Variants in EPB41L5 observed in about 807,000 individuals in gnomAD.
The protein encoded by EPB41L5 is band 4.1-like protein 5.
In EPB41L5, 55 loss-of-function variants were observed where a neutral mutation model predicts 106.6. The observed-to-expected ratio is 0.52, with a 90% CI of 0.42 to 0.65. The LOEUF (loss-of-function observed/expected upper bound fraction) is 0.65. EPB41L5 is among the 30% of genes least tolerant of loss of function. EPB41L5 has a pLI of 0.00. For missense variants in EPB41L5, 871 were observed against 882.1 expected (o/e 0.99, Z 0.16); for synonymous variants, 297 against 306.7 (o/e 0.97, Z 0.33).
At chr2:120,112,253 A>C (rs910346320) in intron 16 of EPB41L5, among the ~76,000 whole-genome samples, 2 of 152,224 alleles carry the variant, frequency 1.3e-5, no homozygotes, top group African/African-American at 2.4e-5. Context: ...TTTTTGACTT[A>C]CGATGGGTTT....
intron 2 of EPB41L5, among the ~76,000 whole-genome samples, chr2:120,033,202 T>G (rs1259495951): frequency 6.6e-5 from 10 of 152,214 alleles, no homozygotes; most frequent in Non-Finnish European, 1.5e-5. Context: ...ATTTTATTTC[T>G]GGGTTAGAAT....
intron 16 of EPB41L5, among the ~76,000 whole-genome samples, chr2:120,102,658 A>G (rs747980169): frequency 3.3e-5 from 5 of 152,180 alleles, no homozygotes; most frequent in African/African-American, 7.2e-5. Context: ...GGACCATTCT[A>G]TTGCTTGCAG....
chr2:120,035,264 T>G (rs547466944), intron 2 of EPB41L5, among the ~76,000 whole-genome samples: 1 of 152,310 alleles, frequency 6.6e-6, no homozygotes, highest in Admixed American at 6.5e-5. Context: ...AAAAAATTTT[T>G]TTTAAAAATT....
chr2:120,118,398 C>T (rs1296027923), intron 16 of EPB41L5, among the ~76,000 whole-genome samples: 1 of 151,982 alleles, frequency 6.6e-6, no homozygotes, highest in Non-Finnish European at 1.5e-5. Context: ...GCAGAACGTG[C>T]AGGTTTGTTT....
chr2:120,036,555 G>T (rs1357343496), intron 2 of EPB41L5, among the ~76,000 whole-genome samples: 4 of 152,166 alleles, frequency 2.6e-5, no homozygotes, highest in Non-Finnish European at 5.9e-5. Flanking sequence ...AACAAACTGT[G>T]TGTATGTGTG....
intron 2 of EPB41L5, among the ~76,000 whole-genome samples, chr2:120,038,796 C>T (rs1228562416): frequency 6.6e-6 from 1 of 152,090 alleles, no homozygotes; most frequent in African/African-American, 2.4e-5. Flanking sequence ...ACAGAATTAG[C>T]ATATGACCCA....
intron 3 of EPB41L5, among the ~76,000 whole-genome samples, chr2:120,054,160 T>G (rs1680474022): frequency 6.6e-6 from 1 of 152,216 alleles, no homozygotes; most frequent in African/African-American, 2.4e-5. Context: ...TGACTAATGA[T>G]GTTGAGCATC....
In EPB41L5 at chr2:120,088,665, C is replaced by G. The variant is rs143434669; in HGVS notation, c.873+1425C>G. ...TATATTTAGCTTTTGTAGGTACTGC[C>G]AAACCTCTTTCCAAAGTATTTAATA... On this transcript the variant is annotated intron_variant, in intron 11 of 24. Coordinates refer to ENST00000263713, the MANE Select transcript of EPB41L5 (RefSeq NM_020909.4). 7.2e-5 allele frequency among the ~76,000 whole-genome samples: 11 copies of G among 152,298 alleles called. 1 individual carries two copies. The East Asian group carries it at 2.1e-3, about 29-fold the overall frequency.
chr2:120,119,107 T>A (rs1292706571), intron 16 of EPB41L5, among the ~76,000 whole-genome samples: 2 of 152,194 alleles, frequency 1.3e-5, no homozygotes, highest in African/African-American at 2.4e-5. Context: ...ATTTTTTTTT[T>A]ATGTTTGTTG....
chr2:120,047,411 C>A (rs1679866773), intron 3 of EPB41L5, among the ~76,000 whole-genome samples: 1 of 151,772 alleles, frequency 6.6e-6, no homozygotes, highest in Non-Finnish European at 1.5e-5. Flanking sequence ...GTATTTTATT[C>A]TCTTTGAAGC....
chr2:120,035,283 A>C (rs769058692), intron 2 of EPB41L5, among the ~76,000 whole-genome samples: 1 of 152,114 alleles, frequency 6.6e-6, no homozygotes, highest in African/African-American at 2.4e-5. Context: ...TTTTTTGTAG[A>C]GATAGGGTCT....
At chr2:120,131,534 GACAAA>G in intron 17 of EPB41L5, 79 bp from the exon 18 acceptor site, 1 of 852,206 alleles carries the variant, frequency 1.2e-6, no homozygotes, top group Non-Finnish European at 1.9e-6. Flanking sequence ...ATGTTGAGAA[GACAAA>G]ACAAAACCAT....
intron 4 of EPB41L5, among the ~76,000 whole-genome samples, chr2:120,073,820 G>A (rs907832888): frequency 6.6e-6 from 1 of 152,120 alleles, no homozygotes; most frequent in African/African-American, 2.4e-5. Flanking sequence ...GGTTTTCAGG[G>A]CTGTTAGGTT....
chr2:120,152,310 G>T (rs971215020), intron 20 of EPB41L5, among the ~76,000 whole-genome samples: 6 of 152,096 alleles, frequency 3.9e-5, no homozygotes, highest in Non-Finnish European at 1.5e-5. Context: ...TGTTAATATG[G>T]TGTGGTTTTC....
chr2:120,101,729 T>C (rs1558876102), intron 16 of EPB41L5: 1 of 152,264 alleles, frequency 6.6e-6, no homozygotes, highest in African/African-American at 2.4e-5. Context: ...TGTAATTATT[T>C]TTCACTGTTA....
intron 2 of EPB41L5, among the ~76,000 whole-genome samples, chr2:120,040,632 G>A (rs1457043551): frequency 6.6e-6 from 1 of 152,126 alleles, no homozygotes; most frequent in Non-Finnish European, 1.5e-5. Context: ...CACATGTAAG[G>A]CATGTACATT....
At chr2:120,115,393 T>G (rs1172328106) in intron 16 of EPB41L5, among the ~76,000 whole-genome samples, 2 of 152,140 alleles carry the variant, frequency 1.3e-5, no homozygotes, top group Admixed American at 1.3e-4. Context: ...TCTTTTTTCT[T>G]TCTCTTACTA....
chr2:120,064,550 T>A (rs1681312938), intron 3 of EPB41L5, among the ~76,000 whole-genome samples: 1 of 152,190 alleles, frequency 6.6e-6, no homozygotes, highest in Non-Finnish European at 1.5e-5. Flanking sequence ...TGGTTACATA[T>A]TATTTATATT....
At chr2:120,026,362 TTTG>T (rs1678313271) in intron 2 of EPB41L5, among the ~76,000 whole-genome samples, 1 of 81,138 alleles carries the variant, frequency 1.2e-5, no homozygotes, top group African/African-American at 5.9e-5. Context: ...TGTTTTTTTG[TTTG>T]TTTGTTTGTT....
Sources: allele counts gnomAD v4.1 joint callset (sites outside exome capture counted in the v4.1 genomes callset), GRCh38; gene constraint gnomAD v4.1.1; transcripts MANE v1.5; gene names NCBI Gene and HGNC (gene_info 2026-07-23, HGNC 2026-07-21).